Variants in NRXN1 observed in about 807,000 individuals in gnomAD.
NRXN1 encodes neurexin 1.
In NRXN1, 39 loss-of-function variants were observed where a neutral mutation model predicts 150.9. That is an observed-to-expected ratio of 0.26 (90% CI 0.20 to 0.34). NRXN1 has a LOEUF of 0.34. Ranked by LOEUF, NRXN1 falls within the 10% of genes least tolerant of loss-of-function variation. NRXN1 has a pLI of 1.00. For missense variants in NRXN1, 1,815 were observed against 1,949.9 expected (o/e 0.93, Z 1.30); for synonymous variants, 924 against 757.0 (o/e 1.22, Z -3.62).
chr2:49,937,563 C>T (rs17039484), intron 22 of NRXN1, among the ~76,000 whole-genome samples: 30,624 of 152,064 alleles, frequency 0.2, 3,267 homozygotes, highest in East Asian at 0.29. Context: ...TACACCAGCA[C>T]GTTGCACACT....
intron 5 of NRXN1, among the ~76,000 whole-genome samples, chr2:50,711,518 T>C (rs946925895): frequency 4.6e-5 from 7 of 151,876 alleles, no homozygotes; most frequent in African/African-American, 1.5e-4. Flanking sequence ...GTATTTTTAG[T>C]AGAGACAGGT....
chr2:50,757,124 C>T (rs1399070727), intron 5 of NRXN1, among the ~76,000 whole-genome samples: 1 of 151,788 alleles, frequency 6.6e-6, no homozygotes, highest in Non-Finnish European at 1.5e-5. Flanking sequence ...TATGTGGAGA[C>T]AAATAGTGCC....
At chr2:50,957,267 G>C (rs1454417498) in intron 2 of NRXN1, among the ~76,000 whole-genome samples, 3 of 152,142 alleles carry the variant, frequency 2.0e-5, no homozygotes, top group Non-Finnish European at 4.4e-5. Context: ...TATTAGCTAT[G>C]TGTCCTTGAG....
intron 18 of NRXN1, among the ~76,000 whole-genome samples, chr2:50,096,923 T>C (rs1479906963): frequency 1.3e-5 from 2 of 152,206 alleles, no homozygotes; most frequent in Non-Finnish European, 2.9e-5. Context: ...AAGATTAAGA[T>C]TTAATGGTGT....
intron 5 of NRXN1, among the ~76,000 whole-genome samples, chr2:50,630,871 C>T (rs1682179882): frequency 6.6e-6 from 1 of 151,490 alleles, no homozygotes; most frequent in Admixed American, 6.6e-5. Flanking sequence ...CATCCTTGAC[C>T]AAGCAGATGT....
intron 17 of NRXN1, among the ~76,000 whole-genome samples, chr2:50,258,660 A>G (rs1292539519): frequency 1.3e-5 from 2 of 151,984 alleles, no homozygotes; most frequent in African/African-American, 4.8e-5. Context: ...TAGAATGGTA[A>G]ATCCTTTCCA....
intron 15 of NRXN1, among the ~76,000 whole-genome samples, chr2:50,475,809 C>G (rs545456979): frequency 1.1e-4 from 16 of 151,746 alleles, no homozygotes; most frequent in Admixed American, 1.1e-3. Flanking sequence ...TGGTCTGAGC[C>G]CTGTGTACTA....
chr2:50,628,535 ATAT>A (rs1681613341), intron 5 of NRXN1, among the ~76,000 whole-genome samples: 1 of 151,724 alleles, frequency 6.6e-6, no homozygotes, highest in African/African-American at 2.4e-5. Context: ...ATATATAAGA[ATAT>A]TATGTTTCAT....
chr2:50,449,313 C>A (rs2104518393), intron 17 of NRXN1, among the ~76,000 whole-genome samples: 1 of 152,322 alleles, frequency 6.6e-6, no homozygotes, highest in East Asian at 1.9e-4. Flanking sequence ...ATTGGATATT[C>A]TCATTTACTA....
chr2:50,961,067 A>T (rs1693101326), intron 2 of NRXN1, among the ~76,000 whole-genome samples: 1 of 151,882 alleles, frequency 6.6e-6, no homozygotes, highest in African/African-American at 2.4e-5. Context: ...CCTACTCTCT[A>T]TTTACAAATA....
intron 18 of NRXN1, among the ~76,000 whole-genome samples, chr2:50,147,389 G>A (rs190443080): frequency 6.6e-6 from 1 of 151,622 alleles, no homozygotes; most frequent in African/African-American, 2.4e-5. Context: ...ACTTGTCTTA[G>A]GTATTTGTGA....
chr2:50,576,009 T>G (rs556710210), intron 8 of NRXN1, among the ~76,000 whole-genome samples: 27 of 152,102 alleles, frequency 1.8e-4, no homozygotes, highest in Non-Finnish European at 3.7e-4. Context: ...AAATATTTAT[T>G]TATAAAAACA....
chr2:50,049,589 G>C (rs954476731), intron 21 of NRXN1, among the ~76,000 whole-genome samples: 5 of 152,052 alleles, frequency 3.3e-5, no homozygotes, highest in African/African-American at 9.7e-5. Context: ...TCGAAGGAAA[G>C]AACAAAAAGA....
rs1675479621 is a variant in NRXN1, at chr2:49,959,126, T to C, written c.4129-15335A>G. Among the ~76,000 whole-genome samples, 4 of 152,216 alleles carry C rather than the reference T, an allele frequency of 2.6e-5. No homozygotes were observed. In the South Asian group the frequency reaches 8.3e-4, roughly 31 times the overall value. ...ATAATTTTCAAATGGGCTTTTCTTA[T>C]TTTATTGAGTCCAAGCATCCTTATT... On this transcript the variant is annotated intron_variant, in intron 21 of 22. Transcript: ENST00000401669.
At chr2:50,760,942 A>C (rs1701734585) in intron 5 of NRXN1, among the ~76,000 whole-genome samples, 1 of 151,912 alleles carries the variant, frequency 6.6e-6, no homozygotes, top group Non-Finnish European at 1.5e-5. Flanking sequence ...TACCTCCCAA[A>C]TGATTTTCTC....
At chr2:50,953,198 G>T (rs1386541054) in intron 2 of NRXN1, among the ~76,000 whole-genome samples, 2 of 152,146 alleles carry the variant, frequency 1.3e-5, no homozygotes, top group African/African-American at 4.8e-5. Flanking sequence ...GAACAAAGTT[G>T]AAATTCTGAT....
chr2:50,671,701 G>T (rs1688878931), intron 5 of NRXN1, among the ~76,000 whole-genome samples: 1 of 151,702 alleles, frequency 6.6e-6, no homozygotes, highest in Non-Finnish European at 1.5e-5. Context: ...CAACAGTAAA[G>T]AATTAATTAT....
At chr2:50,581,187 A>G (rs887152423) in intron 8 of NRXN1, among the ~76,000 whole-genome samples, 1 of 152,150 alleles carries the variant, frequency 6.6e-6, no homozygotes, top group African/African-American at 2.4e-5. Context: ...GTATTTCTTG[A>G]ATTCTATTGT....
intron 22 of NRXN1, among the ~76,000 whole-genome samples, chr2:49,935,068 G>C (rs904310452): frequency 6.6e-6 from 1 of 152,120 alleles, no homozygotes; most frequent in Non-Finnish European, 1.5e-5. Context: ...TATTTAGTTA[G>C]TTTGCTACTA....
Sources: gnomAD v4.1 joint callset for allele counts (sites outside exome capture counted in the v4.1 genomes callset) on GRCh38, gnomAD v4.1.1 for gene constraint, MANE v1.5 for transcripts, NCBI Gene and HGNC (gene_info 2026-07-23, HGNC 2026-07-21) for gene names.